The following KAZN variants were observed in gnomAD, a reference collection of about 807,000 sequenced individuals.
KAZN encodes the protein kazrin, periplakin interacting protein, also known as kazrin.
Under a neutral mutation model 87.4 loss-of-function variants are expected in KAZN, and 40 were observed. That is an observed-to-expected ratio of 0.46 (90% confidence interval 0.36 to 0.60). The LOEUF is 0.60. Ranked by LOEUF, KAZN falls within the 20% of genes least tolerant of loss-of-function variation. KAZN has a pLI of 0.00. For synonymous variants in KAZN, 466 were observed against 458.3 expected (o/e 1.02, Z -0.22); for missense variants, 898 against 1,073.9 (o/e 0.84, Z 2.29).
intron 2 of KAZN, among the ~76,000 whole-genome samples, chr1:14,554,574 C>T (rs1414755397): frequency 6.6e-6 from 1 of 152,190 alleles, no homozygotes; most frequent in Non-Finnish European, 1.5e-5. Context: ...TGTCCCTCCT[C>T]AACATCATCA....
At chr1:14,795,025 G>T (rs912189205) in intron 1 of KAZN, among the ~76,000 whole-genome samples, 4 of 152,192 alleles carry the variant, frequency 2.6e-5, no homozygotes, top group African/African-American at 4.8e-5. Flanking sequence ...ACTTACACTA[G>T]TGGTTTGCCA....
intron 1 of KAZN, among the ~76,000 whole-genome samples, chr1:14,612,691 C>T (rs889305202): frequency 1.3e-5 from 2 of 152,076 alleles, no homozygotes; most frequent in African/African-American, 2.4e-5. Flanking sequence ...GTTGTGGGGG[C>T]GGGGGTCTGT....
At chr1:14,385,281 T>G (rs1207582293) in intron 2 of KAZN, among the ~76,000 whole-genome samples, 1 of 152,226 alleles carries the variant, frequency 6.6e-6, no homozygotes, top group African/African-American at 2.4e-5. Flanking sequence ...ATTCATTAAT[T>G]TTTTGAAAGA....
At chr1:14,225,785 C>CT (rs1487337129) in intron 2 of KAZN, among the ~76,000 whole-genome samples, 1 of 152,056 alleles carries the variant, frequency 6.6e-6, no homozygotes, top group Non-Finnish European at 1.5e-5. Context: ...ATAAGTGGTA[C>CT]TGGAATAATT....
intron 1 of KAZN, among the ~76,000 whole-genome samples, chr1:14,668,103 C>A (rs750437835): frequency 3.3e-5 from 5 of 152,154 alleles, no homozygotes; most frequent in African/African-American, 7.2e-5. Context: ...CAAAGGGACT[C>A]TTCTACACCT....
intron 1 of KAZN, among the ~76,000 whole-genome samples, chr1:14,912,032 A>G (rs1657305699): frequency 6.6e-6 from 1 of 150,916 alleles, no homozygotes. Flanking sequence ...GGCACCTGTA[A>G]TCCCAGCTAC....
At chr1:14,437,355 G>T (rs1030429702) in intron 2 of KAZN, among the ~76,000 whole-genome samples, 1 of 152,166 alleles carries the variant, frequency 6.6e-6, no homozygotes, top group Admixed American at 6.5e-5. Flanking sequence ...GATGAAACGC[G>T]CATGTTGAAG....
intron 2 of KAZN, among the ~76,000 whole-genome samples, chr1:14,277,494 T>C (rs1044872951): frequency 1.3e-5 from 2 of 151,878 alleles, no homozygotes; most frequent in Admixed American, 6.6e-5. Flanking sequence ...TGAAACTGCA[T>C]CTCTACTAAA....
In KAZN at chr1:14,557,666, G is replaced by GTGGT. The variant is rs1553188720; in HGVS notation, c.250-41317_250-41316insTGGT. Among the ~76,000 whole-genome samples, 17 of 108,106 alleles carry GTGGT rather than the reference G, an allele frequency of 1.6e-4. No homozygotes were observed. The South Asian group carries it at 1.6e-3, about 10-fold the overall frequency. 70.9% of individuals were successfully genotyped at this position (108,106 alleles called of 152,430 possible). On this transcript the variant is annotated intron_variant, in intron 2 of 16. Coordinates refer to the KAZN transcript ENST00000636203. ...TGTGTGTGTGTGTGTGTGTGTGTGTGGTGTGTGAGAGAGAGAGAGAGAGAG... is the reference window on the plus strand; with the variant it reads ...TGTGTGTGTGTGTGTGTGTGTGTGTGTGGTGTGTGTGAGAGAGAGAGAGAGAGAG...
At chr1:14,660,547 T>C (rs1639097833) in intron 1 of KAZN, among the ~76,000 whole-genome samples, 1 of 140,526 alleles carries the variant, frequency 7.1e-6, no homozygotes, top group African/African-American at 2.7e-5. Context: ...CTCTCTTTTT[T>C]TTTTTTTTTT....
chr1:14,837,092 T>A (rs1233896700), intron 1 of KAZN, among the ~76,000 whole-genome samples: 1 of 152,234 alleles, frequency 6.6e-6, no homozygotes, highest in Non-Finnish European at 1.5e-5. Flanking sequence ...AATCTCTAGA[T>A]AATTATTTAA....
In KAZN at chr1:14,429,634, T is replaced by G. The variant is rs908013387; in HGVS notation, c.250-169349T>G. Among the ~76,000 whole-genome samples the G allele has an allele frequency of 7.2e-5, 11 of 152,076 alleles. 1 individual carries two copies. The highest frequency in any genetic ancestry group is 2.7e-4 in the African/African-American group (11 of 41,400). On this transcript the variant is annotated intron_variant, in intron 2 of 16. Coordinates refer to the KAZN transcript ENST00000636203. ...TCAATAAACATAATAGTAATGACAG[T>G]GCAACCATGGAAACAAATGGAAAGA... is the stretch of plus-strand genomic sequence containing the variant.
intron 1 of KAZN, among the ~76,000 whole-genome samples, chr1:13,910,807 T>C (rs902851223): frequency 3.3e-5 from 5 of 152,000 alleles, no homozygotes; most frequent in Admixed American, 6.6e-5. Flanking sequence ...AGAAGAGATA[T>C]GTAGGTGTGT....
At chr1:14,126,837 G>T (rs1416852337) in intron 1 of KAZN, among the ~76,000 whole-genome samples, 2 of 152,198 alleles carry the variant, frequency 1.3e-5, no homozygotes, top group African/African-American at 4.8e-5. Context: ...CAGGTGCGGT[G>T]GGTCACGCCT....
intron 2 of KAZN, among the ~76,000 whole-genome samples, chr1:14,452,561 A>G (rs2148333731): frequency 6.6e-6 from 1 of 152,294 alleles, no homozygotes; most frequent in African/African-American, 2.4e-5. Context: ...CCCTCCAGGT[A>G]TATATAGCAA....
chr1:14,770,109 C>A (rs1644982790), intron 1 of KAZN, among the ~76,000 whole-genome samples: 1 of 151,648 alleles, frequency 6.6e-6, no homozygotes, highest in Non-Finnish European at 1.5e-5. Flanking sequence ...ATGGGTCAAG[C>A]TAGAGACATG....
At chr1:14,650,837 A>G (rs1638313364) in intron 1 of KAZN, among the ~76,000 whole-genome samples, 1 of 152,210 alleles carries the variant, frequency 6.6e-6, no homozygotes, top group Admixed American at 6.5e-5. Flanking sequence ...CCATGTAATT[A>G]ACACCAAGGG....
intron 2 of KAZN, among the ~76,000 whole-genome samples, chr1:14,271,804 T>C (rs1651956080): frequency 6.6e-6 from 1 of 152,202 alleles, no homozygotes; most frequent in South Asian, 2.1e-4. Context: ...CAATCAGCTA[T>C]ATCCAAGCCA....
chr1:15,010,062 CA>C (rs1187992672), intron 2 of KAZN, among the ~76,000 whole-genome samples: 1 of 152,214 alleles, frequency 6.6e-6, no homozygotes, highest in Non-Finnish European at 1.5e-5. Context: ...AATATCCACA[CA>C]GTGTGATTAG....
Sources: gnomAD v4.1 joint callset for allele counts (sites outside exome capture counted in the v4.1 genomes callset) on GRCh38, gnomAD v4.1.1 for gene constraint, MANE v1.5 for transcripts, NCBI Gene and HGNC (gene_info 2026-07-23, HGNC 2026-07-21) for gene names.